The following PHACTR3 variants were observed in gnomAD, a reference collection of about 807,000 sequenced individuals.
PHACTR3 encodes the protein phosphatase and actin regulator 3.
Under a neutral mutation model 66.8 loss-of-function variants are expected in PHACTR3, and 16 were observed. The observed-to-expected ratio is 0.24, with a 90% CI of 0.16 to 0.36. The LOEUF (loss-of-function observed/expected upper bound fraction) is 0.36. PHACTR3 is among the 10% of genes least tolerant of loss of function. The pLI is 1.00. For synonymous variants in PHACTR3, 323 were observed against 292.1 expected (o/e 1.11, Z -1.08); for missense variants, 647 against 719.9 (o/e 0.90, Z 1.16).
chr20:59,723,543 A>T (rs1367940403), intron 1 of PHACTR3, among the ~76,000 whole-genome samples: 1 of 152,090 alleles, frequency 6.6e-6, no homozygotes, highest in Admixed American at 6.5e-5. Flanking sequence ...TGTGTCTATT[A>T]TGAGTAGAGC....
chr20:59,607,826 C>A (rs1300832012), intron 1 of PHACTR3, among the ~76,000 whole-genome samples: 1 of 152,128 alleles, frequency 6.6e-6, no homozygotes, highest in African/African-American at 2.4e-5. Context: ...ACACAGGATG[C>A]CAAGAAACAA....
chr20:59,613,554 G>T (rs1477073288), intron 1 of PHACTR3, among the ~76,000 whole-genome samples: 2 of 152,206 alleles, frequency 1.3e-5, no homozygotes, highest in African/African-American at 2.4e-5. Flanking sequence ...TTGTTTGTTT[G>T]TTTGCTTAAG....
rs2042332754 is a variant in PHACTR3 at position 59,830,458 on chromosome 20, G to C, written c.1329-6047G>C. On this transcript the variant is annotated intron_variant, in intron 8 of 12. Transcript: ENST00000371015. This position sits in a 1 kb window ranked among gnomAD's most constrained non-coding sequence, Gnocchi z 5.8. ...GTGGGCATCTGATGGAGGAAGATGT[G>C]AACATCTGATGGAGGTGTGAATGAG... 6.6e-6 allele frequency among the ~76,000 whole-genome samples: 1 copy of C among 152,124 alleles called. No homozygotes were observed.
intron 1 of PHACTR3, among the ~76,000 whole-genome samples, chr20:59,718,625 A>G (rs1458573990): frequency 6.6e-6 from 1 of 151,988 alleles, no homozygotes; most frequent in Admixed American, 6.6e-5. Flanking sequence ...ATATTTCATT[A>G]TGGAATGAGA....
At chr20:59,845,023 T>C (rs1451408576) in intron 11 of PHACTR3, 166 bp from the exon 12 acceptor site, 2 of 523,620 alleles carry the variant, frequency 3.8e-6, no homozygotes, top group Non-Finnish European at 7.0e-6. Flanking sequence ...AGGACTATAA[T>C]AATGAGTATG....
chr20:59,797,801 T>C (rs2041296719), intron 7 of PHACTR3, among the ~76,000 whole-genome samples: 1 of 152,200 alleles, frequency 6.6e-6, no homozygotes, highest in South Asian at 2.1e-4. Flanking sequence ...GATAAACTAA[T>C]CTTGCCTTCC....
intron 1 of PHACTR3, among the ~76,000 whole-genome samples, chr20:59,591,142 C>T (rs577491404): frequency 3.9e-5 from 6 of 152,302 alleles, no homozygotes; most frequent in South Asian, 4.1e-4. Context: ...CATGGTGCAG[C>T]GCCAGGGATG....
chr20:59,769,431 G>T (rs1464366877), intron 5 of PHACTR3, among the ~76,000 whole-genome samples: 1 of 152,220 alleles, frequency 6.6e-6, no homozygotes, highest in Non-Finnish European at 1.5e-5. Flanking sequence ...TGCATCCACA[G>T]AACGCCAAGA....
intron 1 of PHACTR3, among the ~76,000 whole-genome samples, chr20:59,669,281 G>A (rs1236330146): frequency 6.6e-6 from 1 of 152,186 alleles, no homozygotes; most frequent in African/African-American, 2.4e-5. Context: ...AGCATTCCCT[G>A]TCTCAAGACT....
intron 1 of PHACTR3, among the ~76,000 whole-genome samples, chr20:59,675,623 AT>A (rs1402063051): frequency 2.0e-5 from 3 of 151,968 alleles, no homozygotes; most frequent in African/African-American, 7.3e-5. Flanking sequence ...CTTTGGGGTG[AT>A]TTTTCCCCCA....
chr20:59,769,682 C>T (rs1177210968), intron 5 of PHACTR3, among the ~76,000 whole-genome samples: 1 of 152,174 alleles, frequency 6.6e-6, no homozygotes, highest in Non-Finnish European at 1.5e-5. Context: ...CTGTCAAATC[C>T]AAGTGCAGGC....
intron 1 of PHACTR3, among the ~76,000 whole-genome samples, chr20:59,664,430 C>T (rs1339762372): frequency 1.3e-5 from 2 of 152,158 alleles, no homozygotes; most frequent in African/African-American, 4.8e-5. Flanking sequence ...CTTGTCCTCC[C>T]GCCCTCCTGG....
intron 7 of PHACTR3, among the ~76,000 whole-genome samples, chr20:59,781,057 T>A (rs2040707492): frequency 6.6e-6 from 1 of 152,204 alleles, no homozygotes; most frequent in African/African-American, 2.4e-5. Flanking sequence ...AAAGTTTAGC[T>A]CCCAGTTTGT....
At chr20:59,754,881 G>T (rs1015736975) in intron 3 of PHACTR3, among the ~76,000 whole-genome samples, 1 of 152,260 alleles carries the variant, frequency 6.6e-6, no homozygotes, top group Non-Finnish European at 1.5e-5. Context: ...CTGCAAAGGT[G>T]CACGGCAGTG....
chr20:59,782,940 T>C (rs2040774868), intron 7 of PHACTR3, among the ~76,000 whole-genome samples: 1 of 152,224 alleles, frequency 6.6e-6, no homozygotes, highest in African/African-American at 2.4e-5. Context: ...ACTGTCTAAA[T>C]GTAAAGAAAG....
chr20:59,770,736 C>A (rs1395833568), intron 5 of PHACTR3, among the ~76,000 whole-genome samples: 1 of 152,220 alleles, frequency 6.6e-6, no homozygotes, highest in Non-Finnish European at 1.5e-5. Flanking sequence ...GTGGTCCCCA[C>A]CCTGCCCCCA....
chr20:59,605,253 C>A (rs907023872), intron 1 of PHACTR3, 121 bp downstream of exon 1: 47 of 618,306 alleles, frequency 7.6e-5, no homozygotes, highest in African/African-American at 6.7e-4. Context: ...CAGGAACCCG[C>A]GCTCGGCCCC....
intron 8 of PHACTR3, among the ~76,000 whole-genome samples, chr20:59,810,382 A>AT (rs1290054481): frequency 2.6e-5 from 4 of 152,240 alleles, no homozygotes; most frequent in Non-Finnish European, 5.9e-5. Context: ...ACCATGTTTA[A>AT]AAACCTGGAA....
chr20:59,816,693 C>A (rs1203389349), intron 8 of PHACTR3, among the ~76,000 whole-genome samples: 1 of 152,198 alleles, frequency 6.6e-6, no homozygotes, highest in Non-Finnish European at 1.5e-5. Context: ...AGGCTCCCAG[C>A]TAATTACTGT....
Sources: allele counts gnomAD v4.1 joint callset (sites outside exome capture counted in the v4.1 genomes callset), GRCh38; gene constraint gnomAD v4.1.1; non-coding constraint Gnocchi (gnomAD v3.1); transcripts MANE v1.5; gene names NCBI Gene and HGNC (gene_info 2026-07-23, HGNC 2026-07-21).